Variants in MCM9 observed in about 807,000 individuals in gnomAD.
MCM9 encodes the protein DNA helicase MCM9.
A neutral mutation model predicts 72.8 loss-of-function variants in MCM9; 55 were observed. The observed-to-expected ratio is 0.76, with a 90% confidence interval of 0.61 to 0.95. MCM9 has a LOEUF of 0.95. Ranked by LOEUF, MCM9 falls within the 40% of genes least tolerant of loss-of-function variation. MCM9 has a pLI of 0.00. For synonymous variants in MCM9, 480 were observed against 503.4 expected, an observed-to-expected ratio of 0.95 and a Z score of 0.62; for missense variants, 1,279 against 1,377.0, an observed-to-expected ratio of 0.93 and a Z score of 1.13.
At chr6:118,819,863 C>T (rs1018634470) in intron 13 of MCM9, among the ~76,000 whole-genome samples, 2 of 152,100 alleles carry the variant, frequency 1.3e-5, no homozygotes, top group Non-Finnish European at 2.9e-5. Flanking sequence ...GTTTATGTGT[C>T]CAGAAATTTA....
intron 8 of MCM9, among the ~76,000 whole-genome samples, chr6:118,895,133 C>T (rs1779288626): frequency 6.6e-6 from 1 of 152,094 alleles, no homozygotes; most frequent in African/African-American, 2.4e-5. Flanking sequence ...AGGCTGTCCT[C>T]GCGCTGATTT....
At chr6:118,853,000 T>C (rs541211622) in intron 9 of MCM9, among the ~76,000 whole-genome samples, 5 of 152,202 alleles carry the variant, frequency 3.3e-5, no homozygotes, top group Admixed American at 6.5e-5. Context: ...ATATTGCTAG[T>C]AGTATTCCAT....
At chr6:118,827,736 T>A (rs1331189959) in intron 11 of MCM9, among the ~76,000 whole-genome samples, 191 bp downstream of exon 11, 1 of 152,166 alleles carries the variant, frequency 6.6e-6, no homozygotes, top group Admixed American at 6.5e-5. Flanking sequence ...TGACACCACA[T>A]TCCAGTCAAT....
chr6:118,897,916 C>T (rs1779542317), intron 8 of MCM9, among the ~76,000 whole-genome samples: 2 of 152,048 alleles, frequency 1.3e-5, no homozygotes, highest in South Asian at 2.1e-4. Context: ...ATCCCATAAA[C>T]ATAAAAATCA....
chr6:118,878,689 T>G (rs948571083), intron 8 of MCM9, among the ~76,000 whole-genome samples: 1 of 152,114 alleles, frequency 6.6e-6, no homozygotes, highest in Non-Finnish European at 1.5e-5. Flanking sequence ...AAGGCAACTA[T>G]TAATATCTTT....
intron 8 of MCM9, among the ~76,000 whole-genome samples, chr6:118,906,325 G>A (rs1225211675): frequency 6.6e-6 from 1 of 152,064 alleles, no homozygotes; most frequent in South Asian, 2.1e-4. Context: ...TGCCTACCTT[G>A]ACCTCCCAAA....
intron 8 of MCM9, among the ~76,000 whole-genome samples, chr6:118,891,990 T>G (rs1247443164): frequency 6.6e-6 from 1 of 152,232 alleles, no homozygotes; most frequent in Non-Finnish European, 1.5e-5. Flanking sequence ...ACCAAAGTTG[T>G]TCAGCAACAA....
chr6:118,842,539 G>A (rs966914201), intron 9 of MCM9, among the ~76,000 whole-genome samples: 1 of 151,976 alleles, frequency 6.6e-6, no homozygotes, highest in Non-Finnish European at 1.5e-5. Flanking sequence ...GCCCCCAGAG[G>A]CAGAGAGTTT....
At chr6:118,881,026 C>A (rs1377719773) in intron 8 of MCM9, among the ~76,000 whole-genome samples, 3 of 152,078 alleles carry the variant, frequency 2.0e-5, no homozygotes, top group Non-Finnish European at 4.4e-5. Context: ...AATAATAGAA[C>A]AATTATAACA....
intron 9 of MCM9, among the ~76,000 whole-genome samples, chr6:118,855,132 G>C (rs1206316751): frequency 2.0e-5 from 3 of 152,012 alleles, no homozygotes; most frequent in African/African-American, 7.2e-5. Flanking sequence ...GCTGATTTTG[G>C]AACTTACAAC....
At chr6:118,877,450 C>T (rs917521734) in intron 8 of MCM9, among the ~76,000 whole-genome samples, 12 of 152,092 alleles carry the variant, frequency 7.9e-5, no homozygotes. Flanking sequence ...AGGTGCTCAA[C>T]CTCATAAATA....
intron 8 of MCM9, chr6:118,905,843 A>T: frequency 1.3e-6 from 2 of 1,549,474 alleles, no homozygotes. Flanking sequence ...TGTTCTTACT[A>T]TTCCTTTTTA....
intron 8 of MCM9, among the ~76,000 whole-genome samples, chr6:118,878,381 A>C (rs541623437): frequency 6.6e-6 from 1 of 152,348 alleles, no homozygotes; most frequent in South Asian, 2.1e-4. Context: ...ATTCAACCCT[A>C]CATGAAGAAA....
intron 8 of MCM9, among the ~76,000 whole-genome samples, chr6:118,888,005 G>A (rs1048809057): frequency 6.6e-6 from 1 of 152,106 alleles, no homozygotes; most frequent in Non-Finnish European, 1.5e-5. Context: ...GATATACATA[G>A]GGCCAATAAG....
chr6:118,856,102 T>C (rs529912767), intron 9 of MCM9, among the ~76,000 whole-genome samples: 2 of 152,190 alleles, frequency 1.3e-5, no homozygotes, highest in Non-Finnish European at 2.9e-5. Context: ...GAATCCTGCA[T>C]TGAAAGCTCT....
intron 9 of MCM9, among the ~76,000 whole-genome samples, chr6:118,841,155 G>A (rs968640164): frequency 6.6e-6 from 1 of 152,190 alleles, no homozygotes; most frequent in South Asian, 2.1e-4. Flanking sequence ...ATAGGAAAGA[G>A]GAAAAGGTAA....
chr6:118,832,876 A>T (rs994028062), intron 9 of MCM9, among the ~76,000 whole-genome samples: 1 of 152,198 alleles, frequency 6.6e-6, no homozygotes, highest in East Asian at 1.9e-4. Flanking sequence ...ACCAGGTGCT[A>T]TATGTTCACC....
chr6:118,899,095 T>TGCACA (rs1328043243), intron 8 of MCM9, among the ~76,000 whole-genome samples: 1 of 152,216 alleles, frequency 6.6e-6, no homozygotes, highest in Middle Eastern at 3.2e-3. Context: ...ATATAACTGT[T>TGCACA]GCACAGCCCC....
At chr6:118,897,021 T>C (rs1235640065) in intron 8 of MCM9, among the ~76,000 whole-genome samples, 2 of 152,118 alleles carry the variant, frequency 1.3e-5, no homozygotes, top group South Asian at 2.1e-4. Flanking sequence ...TAATTTTTTG[T>C]AGAGACGGAG....
Sources: allele counts gnomAD v4.1 joint callset (sites outside exome capture counted in the v4.1 genomes callset), GRCh38; gene constraint gnomAD v4.1.1; transcripts MANE v1.5; gene names NCBI Gene and HGNC (gene_info 2026-07-23, HGNC 2026-07-21).